The following NT5DC1 variants were observed in gnomAD, a reference collection of about 807,000 sequenced individuals.
NT5DC1 encodes 5'-nucleotidase domain-containing protein 1.
Under a neutral mutation model 59.4 loss-of-function variants are expected in NT5DC1, and 42 were observed. The observed-to-expected ratio is 0.71, with a 90% CI of 0.55 to 0.92. The LOEUF is 0.92. NT5DC1 is among the 40% of genes least tolerant of loss of function. The probability of loss-of-function intolerance (pLI) is 0.00; values close to 1 mark genes in which losing one functional copy is unlikely to be tolerated. For synonymous variants in NT5DC1, 172 were observed against 188.1 expected (o/e 0.91, Z 0.70); for missense variants, 501 against 537.1 (o/e 0.93, Z 0.66).
At chr6:116,119,860 T>G in intron 6 of NT5DC1, 1 of 571,268 alleles carries the variant, frequency 1.8e-6, no homozygotes. Flanking sequence ...GCCTTAAGAT[T>G]GCTAACTAGA....
At chr6:116,222,107 T>C (rs958158133) in intron 7 of NT5DC1, among the ~76,000 whole-genome samples, 1 of 152,230 alleles carries the variant, frequency 6.6e-6, no homozygotes, top group African/African-American at 2.4e-5. Context: ...GTGGCTTTAG[T>C]TTCTTCTATG....
chr6:116,182,222 A>AGTGT (rs35883565), intron 6 of NT5DC1, among the ~76,000 whole-genome samples: 3,203 of 124,630 alleles, frequency 0.026, 51 homozygotes, highest in Middle Eastern at 0.051. Flanking sequence ...TTCCATGGAG[A>AGTGT]GTGTGTGTGT....
At chr6:116,172,768 A>G (rs558687258) in intron 6 of NT5DC1, among the ~76,000 whole-genome samples, 40 of 152,326 alleles carry the variant, frequency 2.6e-4, no homozygotes, top group African/African-American at 9.4e-4. Context: ...CTCAGGCATC[A>G]AAAATAGTCA....
At chr6:116,191,614 GA>G (rs1781118527) in intron 6 of NT5DC1, among the ~76,000 whole-genome samples, 1 of 151,974 alleles carries the variant, frequency 6.6e-6, no homozygotes, top group Non-Finnish European at 1.5e-5. Context: ...CCAATTATAT[GA>G]AATGTAGTGC....
At chr6:116,207,519 T>G (rs1781482278) in intron 6 of NT5DC1, among the ~76,000 whole-genome samples, 1 of 151,938 alleles carries the variant, frequency 6.6e-6, no homozygotes, top group Non-Finnish European at 1.5e-5. Flanking sequence ...GTTTAAAAAG[T>G]CTTTCATCTT....
At chr6:116,194,943 C>T (rs957635396) in intron 6 of NT5DC1, among the ~76,000 whole-genome samples, 3 of 152,072 alleles carry the variant, frequency 2.0e-5, no homozygotes, top group African/African-American at 4.8e-5. Flanking sequence ...GATACTGTGG[C>T]ATATTTGCCA....
At chr6:116,120,741 T>A (rs1462933509) in intron 6 of NT5DC1, 1 of 1,593,772 alleles carries the variant, frequency 6.3e-7, no homozygotes. Flanking sequence ...AATCCTGGAA[T>A]GCCTGGTGGC....
At chr6:116,112,976 T>C (rs1778908097) in intron 4 of NT5DC1, among the ~76,000 whole-genome samples, 3 of 152,242 alleles carry the variant, frequency 2.0e-5, no homozygotes, top group African/African-American at 7.2e-5. Context: ...CTGAGGGATG[T>C]AGAGATGTTT....
intron 6 of NT5DC1, among the ~76,000 whole-genome samples, chr6:116,211,102 C>A (rs1204785): frequency 0.32 from 49,260 of 151,822 alleles, 9,726 homozygotes; most frequent in African/African-American, 0.55. Context: ...TGGGGGAAAC[C>A]CACCGCCACT....
intron 6 of NT5DC1, chr6:116,145,310 G>T (rs761790430): frequency 1.8e-4 from 37 of 209,138 alleles, no homozygotes; most frequent in Non-Finnish European, 3.4e-4. Context: ...CATACGTTTT[G>T]TCAGAGCATA....
Position 116,222,977 on chromosome 6 carries a change from T to C in NT5DC1, c.705-57T>C, listed in dbSNP as rs1781837068. ...GATAAGCAAAGATCAAGTTCTGTTTTATATGGACCTTTTCTAATTCTTAAA... is the reference window on the plus strand; with the variant it reads ...GATAAGCAAAGATCAAGTTCTGTTTCATATGGACCTTTTCTAATTCTTAAA... On this transcript the variant is annotated intron_variant, in intron 7 of 11. Coordinates refer to ENST00000319550, the MANE Select transcript of NT5DC1 (RefSeq NM_152729.3). 4 of 896,456 alleles carry C rather than the reference T, an allele frequency of 4.5e-6. No homozygotes were observed. The East Asian group carries it at 7.3e-5, about 16-fold the overall frequency. The allele number at this position is 896,456 out of a possible 1,614,324, so 55.5% of individuals were successfully genotyped here.
intron 8 of NT5DC1, among the ~76,000 whole-genome samples, chr6:116,233,930 AT>A (rs911463972): frequency 8.1e-4 from 109 of 134,682 alleles, no homozygotes; most frequent in African/African-American, 2.7e-3. Flanking sequence ...TGTCTTCTTT[AT>A]TTTTTTCTAT....
chr6:116,214,172 G>A (rs570080339), intron 6 of NT5DC1, among the ~76,000 whole-genome samples: 1 of 152,234 alleles, frequency 6.6e-6, no homozygotes, highest in East Asian at 1.9e-4. Flanking sequence ...ACTCCAAAGT[G>A]TGTGCTTTTT....
intron 6 of NT5DC1, among the ~76,000 whole-genome samples, chr6:116,163,133 AAAAAAAAAATATATAT>A (rs1227165424): frequency 4.9e-4 from 45 of 92,558 alleles, no homozygotes; most frequent in South Asian, 7.8e-4. Context: ...TCTCAAAAAA[AAAAAAAAAATATATAT>A]ATATATATAT....
chr6:116,163,137 A>T (rs77999215), intron 6 of NT5DC1, among the ~76,000 whole-genome samples: 1,119 of 105,288 alleles, frequency 0.011, 16 homozygotes, highest in East Asian at 0.052. Flanking sequence ...AAAAAAAAAA[A>T]AAAAATATAT....
chr6:116,204,514 A>G (rs969801459), intron 6 of NT5DC1, among the ~76,000 whole-genome samples: 1 of 152,002 alleles, frequency 6.6e-6, no homozygotes, highest in African/African-American at 2.4e-5. Context: ...TATGCTGCTA[A>G]CAATGTTAAA....
At chr6:116,144,433 A>G (rs943899161) in intron 6 of NT5DC1, among the ~76,000 whole-genome samples, 1 of 148,468 alleles carries the variant, frequency 6.7e-6, no homozygotes, top group Admixed American at 6.7e-5. Context: ...CCCAGGAGGC[A>G]GAGGTTGCAG....
chr6:116,209,013 T>C (rs1276647158), intron 6 of NT5DC1, among the ~76,000 whole-genome samples: 1 of 152,040 alleles, frequency 6.6e-6, no homozygotes, highest in Non-Finnish European at 1.5e-5. Context: ...TTTTGTAATA[T>C]TCACTCTGCT....
rs774753789 is a variant in NT5DC1 at position 116,238,959 on chromosome 6, C to G, written c.1088C>G (p.Pro363Arg). The change falls in exon 11 of 12, where the codon CCA (proline) becomes CGA (arginine). Residue 363 changes from proline (P) to arginine (R), a missense_variant. Coordinates refer to ENST00000319550, the MANE Select transcript of NT5DC1 (RefSeq NM_152729.3). The part of the protein sequence containing the change: ...PLEKKGKYEG[P>R]KAKPLNTSSK... ...TATTCTGTTCTCTTGTTTCAGGGAC[C>G]AAAAGCAAAACCTTTAAATACTTCA... 6.3e-7 allele frequency: 1 copy of G among 1,589,238 alleles called. No homozygotes were observed. Among genetic ancestry groups the G allele is most frequent in the Non-Finnish European group, 8.6e-7 (1 of 1,159,638 alleles).
Sources: gnomAD v4.1 joint callset for allele counts (sites outside exome capture counted in the v4.1 genomes callset) on GRCh38, gnomAD v4.1.1 for gene constraint, MANE v1.5 for transcripts, NCBI Gene and HGNC (gene_info 2026-07-23, HGNC 2026-07-21) for gene names.